CNTNAP2: variants seen among roughly 807,000 people sequenced by gnomAD.
The protein encoded by CNTNAP2 is contactin associated protein 2, also known as contactin-associated protein-like 2.
In CNTNAP2, 98 loss-of-function variants were observed where a neutral mutation model predicts 155.2. That is an observed-to-expected ratio of 0.63 (90% CI 0.54 to 0.75). The LOEUF (loss-of-function observed/expected upper bound fraction) is 0.75, where lower values mean the gene tolerates loss of function less well. CNTNAP2 is among the 30% of genes least tolerant of loss of function. The pLI, the probability that CNTNAP2 is intolerant of heterozygous loss-of-function variation, is 0.00. For synonymous variants in CNTNAP2, 651 were observed against 631.2 expected (o/e 1.03, Z -0.47); for missense variants, 1,727 against 1,688.1 (o/e 1.02, Z -0.40).
chr7:147,140,371 C>G (rs1008125515), intron 8 of CNTNAP2, among the ~76,000 whole-genome samples: 3 of 151,846 alleles, frequency 2.0e-5, no homozygotes, highest in Admixed American at 6.6e-5. Context: ...TACTGCTCAC[C>G]TCCAATTTCC....
chr7:146,918,210 T>TA (rs1469288501), intron 3 of CNTNAP2, among the ~76,000 whole-genome samples: 4 of 152,194 alleles, frequency 2.6e-5, no homozygotes, highest in Non-Finnish European at 5.9e-5. Flanking sequence ...GGTATTGTTT[T>TA]ATTCATCATG....
rs1796031785 is a variant in CNTNAP2, at chr7:146,422,826, C to A, written c.97+305853C>A. 2.0e-5 allele frequency among the ~76,000 whole-genome samples: 3 copies of A among 151,960 alleles called. No homozygotes were observed. The East Asian group carries it at 5.8e-4, about 29-fold the overall frequency. On this transcript the variant is annotated intron_variant, in intron 1 of 23. Coordinates refer to ENST00000361727, the MANE Select transcript of CNTNAP2 (RefSeq NM_014141.6). ...TTAAAGTAGTGATAGTCTGCCCATT[C>A]AAAAGAGAAGCTAGTTTACTTATAC...
intron 1 of CNTNAP2, among the ~76,000 whole-genome samples, chr7:146,248,827 G>C (rs1056733586): frequency 2.6e-5 from 4 of 152,158 alleles, no homozygotes; most frequent in Non-Finnish European, 5.9e-5. Flanking sequence ...ATGCGCCTCC[G>C]TGTGAAGAGA....
intron 1 of CNTNAP2, among the ~76,000 whole-genome samples, chr7:146,353,428 C>T (rs759107913): frequency 1.3e-5 from 2 of 152,170 alleles, no homozygotes; most frequent in Admixed American, 6.5e-5. Flanking sequence ...TGCCATTCTT[C>T]TCAGTGCTTG....
At chr7:146,439,685 A>G (rs574809662) in intron 1 of CNTNAP2, among the ~76,000 whole-genome samples, 3 of 151,642 alleles carry the variant, frequency 2.0e-5, no homozygotes, top group African/African-American at 4.9e-5. Context: ...TCATATATAT[A>G]TGGGAGCAGA....
chr7:147,697,316 T>C (rs1796175655), intron 13 of CNTNAP2, among the ~76,000 whole-genome samples: 1 of 152,204 alleles, frequency 6.6e-6, no homozygotes, highest in Non-Finnish European at 1.5e-5. Context: ...AGCATATTAA[T>C]TATACTTTAA....
chr7:148,245,468 C>A (rs933738719), intron 20 of CNTNAP2, among the ~76,000 whole-genome samples: 9 of 152,210 alleles, frequency 5.9e-5, no homozygotes, highest in Non-Finnish European at 1.3e-4. Flanking sequence ...GTTTTTCCTG[C>A]TGCTGGCATA....
At chr7:147,114,400 G>T (rs1800943172) in intron 5 of CNTNAP2, among the ~76,000 whole-genome samples, 3 of 152,112 alleles carry the variant, frequency 2.0e-5, no homozygotes, top group Admixed American at 1.3e-4. Context: ...GTCTAATATT[G>T]TCAGTGGGGT....
At chr7:146,834,770 T>C (rs904570372) in intron 2 of CNTNAP2, among the ~76,000 whole-genome samples, 1 of 152,198 alleles carries the variant, frequency 6.6e-6, no homozygotes, top group Non-Finnish European at 1.5e-5. Context: ...CCAACCACTT[T>C]CTTTGAGCTG....
At position 147,733,710 on chromosome 7, in the gene CNTNAP2, A is replaced by T. The variant is rs1023586808; in HGVS notation, c.2098+94404A>T. Among the ~76,000 whole-genome samples, 21 of 152,276 alleles carry T rather than the reference A, an allele frequency of 1.4e-4. 1 individual carries two copies. Among genetic ancestry groups the T allele is most frequent in the Non-Finnish European group, 2.4e-4 (16 of 68,030 alleles). ...TTTATTTCATTGAACAATGGTTTGT[A>T]GTTCTCCTTGAAGAGGTCCTTCACA... On this transcript the variant is annotated intron_variant, in intron 13 of 23. Transcript: ENST00000361727.
chr7:147,217,600 G>A (rs188926617), intron 8 of CNTNAP2, among the ~76,000 whole-genome samples: 1 of 151,970 alleles, frequency 6.6e-6, no homozygotes, highest in East Asian at 1.9e-4. Flanking sequence ...AGGAGGTATT[G>A]GTCATAGTTT....
At chr7:146,310,145 T>C (rs971871216) in intron 1 of CNTNAP2, among the ~76,000 whole-genome samples, 1 of 152,188 alleles carries the variant, frequency 6.6e-6, no homozygotes, top group African/African-American at 2.4e-5. Flanking sequence ...TGCCAGCAGG[T>C]ACAATATCTT....
At chr7:146,895,339 TTC>T (rs1322077228) in intron 3 of CNTNAP2, among the ~76,000 whole-genome samples, 4 of 148,268 alleles carry the variant, frequency 2.7e-5, no homozygotes, top group Non-Finnish European at 6.0e-5. Context: ...CTCCCTTCCT[TTC>T]TCTCTCTTTC....
chr7:147,674,888 TA>T (rs1795843283), intron 13 of CNTNAP2, among the ~76,000 whole-genome samples: 1 of 152,092 alleles, frequency 6.6e-6, no homozygotes, highest in Admixed American at 6.6e-5. Context: ...CATATCTTTC[TA>T]AAAATTATGC....
chr7:147,811,599 T>C (rs747923109), intron 13 of CNTNAP2, among the ~76,000 whole-genome samples: 3 of 152,208 alleles, frequency 2.0e-5, no homozygotes, highest in Non-Finnish European at 4.4e-5. Flanking sequence ...ATCGTTACTG[T>C]ATTTTATAGC....
chr7:146,612,025 A>G (rs561451813), intron 1 of CNTNAP2, among the ~76,000 whole-genome samples: 38 of 152,322 alleles, frequency 2.5e-4, no homozygotes, highest in Middle Eastern at 3.4e-3. Flanking sequence ...TGTAACTAAC[A>G]CTATCTACAA....
chr7:148,033,777 G>A (rs544616438), intron 15 of CNTNAP2, among the ~76,000 whole-genome samples: 5 of 152,248 alleles, frequency 3.3e-5, no homozygotes, highest in African/African-American at 4.8e-5. Context: ...GTGCATATAC[G>A]TATACACACA....
At chr7:148,212,036 C>A (rs951105532) in intron 18 of CNTNAP2, among the ~76,000 whole-genome samples, 1 of 151,822 alleles carries the variant, frequency 6.6e-6, no homozygotes, top group South Asian at 2.1e-4. Context: ...AGTGAAAAGG[C>A]AAAAGGAATA....
intron 3 of CNTNAP2, among the ~76,000 whole-genome samples, chr7:146,899,269 C>T (rs1795944184): frequency 6.6e-6 from 1 of 152,124 alleles, no homozygotes; most frequent in Non-Finnish European, 1.5e-5. Flanking sequence ...ATTACAATCC[C>T]ATTTGCTTAG....
Sources: gnomAD v4.1 joint callset for allele counts (sites outside exome capture counted in the v4.1 genomes callset) on GRCh38, gnomAD v4.1.1 for gene constraint, MANE v1.5 for transcripts, NCBI Gene and HGNC (gene_info 2026-07-23, HGNC 2026-07-21) for gene names.